Variants in WDR76 observed in about 807,000 individuals in gnomAD.
The protein encoded by WDR76 is WD repeat-containing protein 76.
In WDR76, 52 loss-of-function variants were observed where a neutral mutation model predicts 70.2. The ratio of observed to expected loss-of-function variants is 0.74; its 90% CI spans 0.59 to 0.93. WDR76 has a LOEUF of 0.93. WDR76 is among the 40% of genes least tolerant of loss of function. The pLI is 0.00. For synonymous variants in WDR76, 292 were observed against 271.1 expected, an observed-to-expected ratio of 1.08 and a Z score of -0.76; for missense variants, 756 against 760.2, an observed-to-expected ratio of 0.99 and a Z score of 0.07.
Position 43,866,392 on chromosome 15 carries a change from A to C in WDR76, c.1881A>C (p.Ter627CysextTer12). 6.2e-7 allele frequency: 1 copy of C among 1,613,472 alleles called. No homozygotes were observed. The highest frequency in any genetic ancestry group is 8.5e-7 in the Non-Finnish European group (1 of 1,179,472). ...IHVFMNEKSC[*>C] ...TTTTTATGAATGAAAAAAGCTGCTG[A>C]GTTTTTGGTTTAGGAACATCAATTT... is the stretch of plus-strand genomic sequence containing the variant. Residue 627 changes from the stop codon to cysteine (C), a stop_lost, in exon 13 of 13, where the codon TGA (stop) becomes TGC (cysteine). Coordinates refer to ENST00000263795, the MANE Select transcript of WDR76 (RefSeq NM_024908.4).
chr15:43,857,613 A>G, intron 10 of WDR76: 1 of 767,156 alleles, frequency 1.3e-6, no homozygotes, highest in Non-Finnish European at 1.6e-6. Context: ...TGAGGTCAGG[A>G]GTTCGAGACC....
At chr15:43,858,992 T>G (rs1393406747) in intron 11 of WDR76, among the ~76,000 whole-genome samples, 169 bp downstream of exon 11, 1 of 152,208 alleles carries the variant, frequency 6.6e-6, no homozygotes, top group African/African-American at 2.4e-5. Context: ...TAATGGCTTT[T>G]CAGCGGTTTT....
At position 43,828,361 on chromosome 15, in the gene WDR76, TC is replaced by T; in HGVS notation, c.460del (p.Leu154TrpfsTer14). On this transcript the variant is annotated frameshift_variant, in exon 2 of 13. Transcript: ENST00000263795. LOFTEE classifies it high-confidence loss of function. ...AGACAGTGATGAAGATACCACACCATCCCTGGTAAGAACTTAATTAGTAGCT... is the reference window on the plus strand; with the variant it reads ...AGACAGTGATGAAGATACCACACCATCCTGGTAAGAACTTAATTAGTAGCT... ...DGDSDEDTTP[S>X]LDFSGLSPYE... 1 of 1,603,388 alleles carries T rather than the reference TC, an allele frequency of 6.2e-7. No homozygotes were observed. Among genetic ancestry groups the T allele is most frequent in the Non-Finnish European group, 8.5e-7 (1 of 1,175,450 alleles).
chr15:43,844,494 C>T (rs147727636), intron 8 of WDR76, among the ~76,000 whole-genome samples: 2 of 151,802 alleles, frequency 1.3e-5, no homozygotes, highest in Non-Finnish European at 2.9e-5. Flanking sequence ...GTGGTAGGTG[C>T]CTGTAATCCC....
At chr15:43,841,391 G>T (rs2087723999) in intron 5 of WDR76, among the ~76,000 whole-genome samples, 1 of 151,842 alleles carries the variant, frequency 6.6e-6, no homozygotes, top group South Asian at 2.1e-4. Flanking sequence ...TAGAGATGGG[G>T]TTTCACTGCG....
chr15:43,838,387 TG>T (rs1381163409), intron 4 of WDR76, among the ~76,000 whole-genome samples: 1 of 151,816 alleles, frequency 6.6e-6, no homozygotes, highest in Admixed American at 6.6e-5. Flanking sequence ...GGTTTCGCCA[TG>T]TTGGCAAGGC....
At chr15:43,856,643 C>T (rs1663061501) in intron 9 of WDR76, among the ~76,000 whole-genome samples, 2 of 146,168 alleles carry the variant, frequency 1.4e-5, no homozygotes, top group African/African-American at 2.5e-5. Context: ...GGAATAAGTT[C>T]TAATGTTCAG....
Position 43,828,346 on chromosome 15 carries a change from G to A in WDR76, c.442G>A (p.Glu148Lys), listed in dbSNP as rs756795336. The change falls in exon 2 of 13, where the codon GAA (glutamate) becomes AAA (lysine). Residue 148 changes from glutamate to lysine, a missense_variant. Transcript: ENST00000263795. ...VESSQDGDSD[E>K]DTTPSLDFSG... ...AAGTAGTCAGGATGGAGACAGTGATGAAGATACCACACCATCCCTGGTAAG... is the reference window on the plus strand; with the variant it reads ...AAGTAGTCAGGATGGAGACAGTGATAAAGATACCACACCATCCCTGGTAAG... The A allele has an allele frequency of 2.5e-6, 4 of 1,611,920 alleles. No individual in the cohort carries two copies. Among genetic ancestry groups the A allele is most frequent in the Admixed American group, 1.7e-5 (1 of 59,764 alleles).
At chr15:43,827,907 A>G in intron 1 of WDR76, 58 bp from the exon 2 acceptor site, 1 of 1,473,406 alleles carries the variant, frequency 6.8e-7, no homozygotes, top group Non-Finnish European at 9.1e-7. Context: ...GGATCCTGTA[A>G]GAAAAGGCAC....
chr15:43,850,186 A>G (rs1481092463), intron 8 of WDR76, among the ~76,000 whole-genome samples: 1 of 152,168 alleles, frequency 6.6e-6, no homozygotes, highest in Non-Finnish European at 1.5e-5. Flanking sequence ...GGAGCTGGCA[A>G]TCCAGTTGTG....
chr15:43,861,300 A>G, intron 11 of WDR76, 33 bp from the exon 12 acceptor site: 1 of 1,585,690 alleles, frequency 6.3e-7, no homozygotes, highest in South Asian at 1.1e-5. Context: ...TTTTTAAGTA[A>G]CAAAAGAATG....
intron 11 of WDR76, among the ~76,000 whole-genome samples, chr15:43,860,910 C>CTTTTTTTTTTTTTTTTTTTTTTTTTT (rs34504509): frequency 1.3e-5 from 1 of 78,994 alleles, no homozygotes; most frequent in Non-Finnish European, 2.3e-5. Context: ...TGATCTTACT[C>CTTTTTTTTTTTTTTTTTTTTTTTTTT]TTTTTTTTTT....
At chr15:43,844,926 TA>T (rs1163275078) in intron 8 of WDR76, among the ~76,000 whole-genome samples, 28 of 15,536 alleles carry the variant, frequency 1.8e-3, no homozygotes, top group African/African-American at 4.6e-3. Context: ...AGACTCTGTG[TA>T]AAAAAAAAAA....
intron 4 of WDR76, among the ~76,000 whole-genome samples, chr15:43,837,096 A>T (rs965882585): frequency 6.6e-6 from 1 of 152,034 alleles, no homozygotes. Flanking sequence ...AAAACAGCTT[A>T]TAAGTGGTAG....
At chr15:43,829,530 C>T (rs1261560381) in intron 2 of WDR76, among the ~76,000 whole-genome samples, 1 of 98,828 alleles carries the variant, frequency 1.0e-5, no homozygotes, top group Non-Finnish European at 1.9e-5. Flanking sequence ...TTTTTTGAGA[C>T]GAGTCTTGTT....
At chr15:43,831,034 C>T (rs964044597) in intron 2 of WDR76, among the ~76,000 whole-genome samples, 2 of 151,776 alleles carry the variant, frequency 1.3e-5, no homozygotes, top group South Asian at 4.2e-4. Flanking sequence ...GGCGACAGAG[C>T]GAGACTCTGT....
chr15:43,861,408 A>G (rs1042121880), intron 12 of WDR76, 22 bp downstream of exon 12: 2 of 1,597,544 alleles, frequency 1.3e-6, no homozygotes, highest in East Asian at 2.2e-5. Flanking sequence ...TATGCCAAAT[A>G]ATGTAGATGT....
chr15:43,829,498 A>C lies in WDR76; in HGVS notation c.462+1132A>C, dbSNP rs903310407. Among the ~76,000 whole-genome samples, 168 of 90,084 alleles carry C rather than the reference A, an allele frequency of 1.9e-3. 1 individual carries two copies. The highest frequency in any genetic ancestry group is 5.9e-3 in the African/African-American group (146 of 24,538). 59.1% of individuals were successfully genotyped at this position (90,084 alleles called of 152,430 possible). The stretch of plus-strand genomic sequence containing the variant: ...TTGGGGTTGAGAGCCTAGCATGGCC[A>C]CTTTTTTTTTTTTTTTTTTTTTTTT... On this transcript the variant is annotated intron_variant, in intron 2 of 12. Transcript: ENST00000263795.
intron 8 of WDR76, among the ~76,000 whole-genome samples, chr15:43,847,754 T>C (rs1273980516): frequency 6.6e-6 from 1 of 152,042 alleles, no homozygotes; most frequent in Admixed American, 6.6e-5. Flanking sequence ...ATGAGGCTTC[T>C]CCATGTTGGC....
Sources: gnomAD v4.1 joint callset for allele counts (sites outside exome capture counted in the v4.1 genomes callset) on GRCh38, gnomAD v4.1.1 for gene constraint, MANE v1.5 for transcripts, NCBI Gene and HGNC (gene_info 2026-07-23, HGNC 2026-07-21) for gene names.